ESR2: variants seen among roughly 807,000 people sequenced by gnomAD.
The protein encoded by ESR2 is estrogen receptor beta.
ESR2 carries 36 observed loss-of-function variants against 49.6 expected under a neutral mutation model. That is an observed-to-expected ratio of 0.73 (90% CI 0.56 to 0.96). ESR2 has a LOEUF of 0.96. Ranked by LOEUF, ESR2 falls within the 40% of genes least tolerant of loss-of-function variation. ESR2 has a pLI of 0.00. For synonymous variants in ESR2, 320 were observed against 266.1 expected, an observed-to-expected ratio of 1.20 and a Z score of -1.97; for missense variants, 714 against 693.0, an observed-to-expected ratio of 1.03 and a Z score of -0.34.
intron 1 of ESR2, among the ~76,000 whole-genome samples, chr14:64,318,537 CAAA>C (rs58597271): frequency 9.3e-5 from 3 of 32,426 alleles, no homozygotes; most frequent in African/African-American, 2.1e-4. Context: ...AACTCCATCT[CAAA>C]AAAAAAAAAA....
At chr14:64,250,938 T>C (rs1014370668) in intron 6 of ESR2, among the ~76,000 whole-genome samples, 1 of 152,148 alleles carries the variant, frequency 6.6e-6, no homozygotes, top group South Asian at 2.1e-4. Context: ...CATTACTGAG[T>C]TACTAAATTT....
intron 1 of ESR2, among the ~76,000 whole-genome samples, chr14:64,335,528 C>T (rs1263090919): frequency 6.6e-6 from 1 of 152,156 alleles, no homozygotes; most frequent in Non-Finnish European, 1.5e-5. Context: ...CTCTGGACTC[C>T]CTTCTTCTTT....
rs922463494 is a variant in ESR2 at position 64,277,942 on chromosome 14, G to C, written c.535+2039C>G. 6.7e-5 allele frequency among the ~76,000 whole-genome samples: 10 copies of C among 149,336 alleles called. No homozygotes were observed. The East Asian group carries it at 1.4e-3, about 21-fold the overall frequency. On this transcript the variant is annotated intron_variant, in intron 3 of 8. Transcript: ENST00000341099. ...ATTAGCTGTAGTCTCAGGGGTCAAAGATGTTTCAAGCAGACCAATGTTTCC... is the reference window on the plus strand; with the variant it reads ...ATTAGCTGTAGTCTCAGGGGTCAAACATGTTTCAAGCAGACCAATGTTTCC...
At chr14:64,270,535 G>C (rs2076421008) in intron 3 of ESR2, among the ~76,000 whole-genome samples, 1 of 151,152 alleles carries the variant, frequency 6.6e-6, no homozygotes, top group Admixed American at 6.6e-5. Flanking sequence ...TTTTGAGACA[G>C]AACCTTCCTC....
intron 6 of ESR2, 149 bp from the exon 7 acceptor site, chr14:64,249,828 G>A: frequency 1.4e-6 from 1 of 692,198 alleles, no homozygotes; most frequent in Non-Finnish European, 2.3e-6. Context: ...GTGTTAATGA[G>A]ACCACACCCA....
chr14:64,336,315 G>A (rs2077531552), intron 1 of ESR2: 1 of 152,092 alleles, frequency 6.6e-6, no homozygotes, highest in Admixed American at 6.5e-5. Flanking sequence ...CAAAATGGTT[G>A]TAAAAATTTA....
At chr14:64,241,075 G>A (rs2075717055) in intron 7 of ESR2, among the ~76,000 whole-genome samples, 1 of 149,720 alleles carries the variant, frequency 6.7e-6, no homozygotes, top group Non-Finnish European at 1.5e-5. Flanking sequence ...GAACCCTGGA[G>A]GCGGAGCTTG....
intron 1 of ESR2, among the ~76,000 whole-genome samples, chr14:64,284,493 T>G (rs1209086429): frequency 6.6e-6 from 1 of 150,852 alleles, no homozygotes; most frequent in Non-Finnish European, 1.5e-5. Flanking sequence ...CACTAATTTT[T>G]GTATTTTTAG....
At chr14:64,326,542 A>G (rs75698479) in intron 1 of ESR2, among the ~76,000 whole-genome samples, 6,529 of 152,196 alleles carry the variant, frequency 0.043, 512 homozygotes, top group East Asian at 0.37. Flanking sequence ...TTGATTATTC[A>G]TATCTCTTTC....
At chr14:64,337,407 T>C (rs1483424633) in intron 1 of ESR2, 3 of 152,250 alleles carry the variant, frequency 2.0e-5, no homozygotes, top group South Asian at 2.1e-4. Context: ...TTACCAGGAA[T>C]ATTTGCTTCA....
At chr14:64,249,736 A>C in intron 6 of ESR2, 57 bp from the exon 7 acceptor site, 2 of 1,532,980 alleles carry the variant, frequency 1.3e-6, no homozygotes, top group Non-Finnish European at 1.8e-6. Context: ...CATCAAAAAA[A>C]CAATAAGGAA....
intron 1 of ESR2, among the ~76,000 whole-genome samples, chr14:64,333,493 A>T (rs190183086): frequency 6.6e-6 from 1 of 152,280 alleles, no homozygotes; most frequent in East Asian, 1.9e-4. Flanking sequence ...TTTATGATGT[A>T]TTAGTCCATT....
In ESR2 at chr14:64,228,515, A is replaced by T. The variant is rs1192176568; in HGVS notation, c.*4622T>A. 6.6e-6 allele frequency among the ~76,000 whole-genome samples: 1 copy of T among 152,226 alleles called. No individual in the cohort carries two copies. The highest frequency in any genetic ancestry group is 1.5e-5 in the Non-Finnish European group (1 of 68,046). On this transcript the variant is annotated 3_prime_UTR_variant, in exon 9 of 9. Transcript: ENST00000341099. ...GTAAAGCCTGCAAATGAAGTCAACAAATTAGTGTAATGATACAAAGCATTC... is the reference window on the plus strand; with the variant it reads ...GTAAAGCCTGCAAATGAAGTCAACATATTAGTGTAATGATACAAAGCATTC...
chr14:64,310,947 C>T (rs1287555940), intron 1 of ESR2, among the ~76,000 whole-genome samples: 1 of 152,158 alleles, frequency 6.6e-6, no homozygotes, highest in East Asian at 1.9e-4. Context: ...ACAATTCAAT[C>T]TGTCTGACCT....
chr14:64,321,999 C>T (rs1356699741), intron 1 of ESR2, among the ~76,000 whole-genome samples: 1 of 152,046 alleles, frequency 6.6e-6, no homozygotes, highest in Non-Finnish European at 1.5e-5. Flanking sequence ...CAGCATCACG[C>T]ATTATGCCCA....
In ESR2 at chr14:64,280,015, T is replaced by C. The variant is rs1417908183; in HGVS notation, c.501A>G (p.Glu167=). Residue 167 remains glutamate, a synonymous_variant, in exon 3 of 9, where the codon GAA becomes GAG. Transcript: ENST00000341099. The stretch of plus-strand genomic sequence containing the variant: ...TTCTTTTAAAAAAGGCCTTACATCC[T>C]TCACACGACCAGACTCCATAGTGAT... ...SGYHYGVWSC[E]GCKAFFKRSI... is the part of the protein sequence containing the mutation. The C allele has an allele frequency of 6.2e-7, 1 of 1,614,056 alleles. No individual in the cohort carries two copies. Among genetic ancestry groups the C allele is most frequent in the Non-Finnish European group, 8.5e-7 (1 of 1,180,018 alleles).
intron 8 of ESR2, chr14:64,234,711 G>T: frequency 1.4e-6 from 1 of 697,488 alleles, no homozygotes; most frequent in Non-Finnish European, 2.3e-6. Flanking sequence ...CCATAAACAG[G>T]CTATAAACCC....
At chr14:64,266,338 G>A (rs927898741) in intron 4 of ESR2, among the ~76,000 whole-genome samples, 9 of 152,198 alleles carry the variant, frequency 5.9e-5, no homozygotes, top group South Asian at 2.1e-4. Context: ...TCAGAGACAT[G>A]AAAACCAAGG....
chr14:64,305,481 T>G (rs890070048), intron 1 of ESR2, among the ~76,000 whole-genome samples: 2 of 150,544 alleles, frequency 1.3e-5, no homozygotes, highest in Non-Finnish European at 3.0e-5. Flanking sequence ...CCATCCTGGC[T>G]AACACAGTGA....
Sources: allele counts gnomAD v4.1 joint callset (sites outside exome capture counted in the v4.1 genomes callset), GRCh38; gene constraint gnomAD v4.1.1; transcripts MANE v1.5; gene names NCBI Gene and HGNC (gene_info 2026-07-23, HGNC 2026-07-21).